ATRNL1: variants seen among roughly 807,000 people sequenced by gnomAD.
ATRNL1 encodes attractin like 1, also known as attractin-like protein 1.
Under a neutral mutation model 182.7 loss-of-function variants are expected in ATRNL1, and 95 were observed. That is an observed-to-expected ratio of 0.52 (90% confidence interval 0.44 to 0.62). The LOEUF (loss-of-function observed/expected upper bound fraction) is 0.62. ATRNL1 is among the 20% of genes least tolerant of loss of function. The pLI, the probability that ATRNL1 is intolerant of heterozygous loss-of-function variation, is 0.00. For synonymous variants in ATRNL1, 576 were observed against 568.3 expected, an observed-to-expected ratio of 1.01 and a Z score of -0.19; for missense variants, 1,471 against 1,679.5, an observed-to-expected ratio of 0.88 and a Z score of 2.17.
chr10:115,584,585 C>A (rs1437156930), intron 26 of ATRNL1, among the ~76,000 whole-genome samples: 3 of 142,526 alleles, frequency 2.1e-5, no homozygotes, highest in Non-Finnish European at 4.6e-5. Flanking sequence ...TCTCTGGGAT[C>A]GGTGGTGATA....
At chr10:115,255,453 T>G (rs1470077054) in intron 10 of ATRNL1, among the ~76,000 whole-genome samples, 1 of 152,186 alleles carries the variant, frequency 6.6e-6, no homozygotes, top group Non-Finnish European at 1.5e-5. Flanking sequence ...GTTAATGGTG[T>G]ATAGGAATGT....
intron 25 of ATRNL1, among the ~76,000 whole-genome samples, chr10:115,547,529 G>T (rs1852736704): frequency 6.6e-6 from 1 of 152,006 alleles, no homozygotes. Flanking sequence ...GGTCGTAGTT[G>T]AAATCAGGAA....
chr10:115,230,264 G>C (rs1849868696), intron 9 of ATRNL1, among the ~76,000 whole-genome samples: 1 of 152,174 alleles, frequency 6.6e-6, no homozygotes, highest in Non-Finnish European at 1.5e-5. Context: ...GCTATGAAGA[G>C]AAAAGAAAGC....
At chr10:115,465,899 A>G (rs370206173) in intron 22 of ATRNL1, among the ~76,000 whole-genome samples, 3 of 151,536 alleles carry the variant, frequency 2.0e-5, no homozygotes, top group African/African-American at 7.2e-5. Flanking sequence ...AACTGTGACA[A>G]TATCATTTGA....
intron 19 of ATRNL1, among the ~76,000 whole-genome samples, chr10:115,352,102 A>T (rs781968800): frequency 6.6e-6 from 1 of 152,072 alleles, no homozygotes; most frequent in African/African-American, 2.4e-5. Context: ...TTATTGGGAT[A>T]TAGTTGCTTA....
intron 24 of ATRNL1, among the ~76,000 whole-genome samples, chr10:115,513,371 G>A (rs1294168860): frequency 6.6e-6 from 1 of 151,928 alleles, no homozygotes; most frequent in Non-Finnish European, 1.5e-5. Context: ...GTAGAAGACA[G>A]GATATTTTTC....
At chr10:115,820,665 A>G (rs1158935313) in intron 27 of ATRNL1, among the ~76,000 whole-genome samples, 1 of 152,064 alleles carries the variant, frequency 6.6e-6, no homozygotes, top group Non-Finnish European at 1.5e-5. Flanking sequence ...CATAGTCTCT[A>G]GAGCACCCCT....
intron 1 of ATRNL1, among the ~76,000 whole-genome samples, chr10:115,113,400 T>C (rs1211049419): frequency 6.6e-6 from 1 of 152,152 alleles, no homozygotes; most frequent in African/African-American, 2.4e-5. Flanking sequence ...TTGGCTCCTT[T>C]TGAGTTTTGT....
intron 25 of ATRNL1, among the ~76,000 whole-genome samples, chr10:115,539,179 A>T (rs1187849451): frequency 6.6e-6 from 1 of 152,176 alleles, no homozygotes; most frequent in East Asian, 1.9e-4. Context: ...GATCCATTTC[A>T]GTTATTTTTT....
Position 115,856,135 on chromosome 10 carries a change from T to C in ATRNL1, c.4018+8144T>C, listed in dbSNP as rs17093692. On this transcript the variant is annotated intron_variant, in intron 28 of 28. Coordinates refer to ENST00000355044, the MANE Select transcript of ATRNL1 (RefSeq NM_207303.4). ...AATTGTTGGTGTAGTCATTAAAACA[T>C]ACTGTTTGGAAGACCAGGCACGGTA... is the stretch of plus-strand genomic sequence containing the variant. Among the ~76,000 whole-genome samples, 1,367 of 152,122 alleles carry C rather than the reference T, an allele frequency of 9.0e-3. 19 individuals are homozygous for C. Among genetic ancestry groups the C allele is most frequent in the African/African-American group, 0.031 (1,290 of 41,494 alleles).
In ATRNL1 at chr10:115,286,392, C is replaced by G; in HGVS notation, c.2410C>G (p.Gln804Glu). ...FVLDEIQKYT[Q>E]QKVSPWVGLR... ...TCTGGATGAAATACAGAAGTATACA[C>G]AACAGGTAACATTTCTACTTGTTTA... The change falls in exon 15 of 29, where the codon CAA (glutamine) becomes GAA (glutamate). Residue 804 changes from glutamine to glutamate, a missense_variant. Transcript: ENST00000355044. 1 of 1,522,160 alleles carries G rather than the reference C, an allele frequency of 6.6e-7. No individual in the cohort carries two copies. The highest frequency in any genetic ancestry group is 8.9e-7 in the Non-Finnish European group (1 of 1,125,266). 94.3% of individuals were successfully genotyped at this position (1,522,160 alleles called of 1,614,324 possible).
intron 18 of ATRNL1, among the ~76,000 whole-genome samples, chr10:115,329,582 A>C (rs1855102027): frequency 6.6e-6 from 1 of 152,046 alleles, no homozygotes; most frequent in African/African-American, 2.4e-5. Context: ...TTCCATATAA[A>C]TTCTCGATTG....
intron 5 of ATRNL1, among the ~76,000 whole-genome samples, chr10:115,143,279 T>A (rs1845825303): frequency 6.6e-6 from 1 of 152,222 alleles, no homozygotes; most frequent in South Asian, 2.1e-4. Flanking sequence ...TTGTTGCCTC[T>A]GACTTTATAA....
intron 27 of ATRNL1, among the ~76,000 whole-genome samples, chr10:115,742,026 C>G (rs1051882709): frequency 2.0e-5 from 3 of 152,076 alleles, no homozygotes; most frequent in Non-Finnish European, 4.4e-5. Flanking sequence ...AAGATAAGCA[C>G]TAGGAGAAAA....
At chr10:115,704,970 C>T (rs1946851906) in intron 26 of ATRNL1, among the ~76,000 whole-genome samples, 1 of 151,584 alleles carries the variant, frequency 6.6e-6, no homozygotes, top group Non-Finnish European at 1.5e-5. Context: ...GAAGCCTTCC[C>T]GGCCCCACTC....
chr10:115,777,803 A>G (rs1555078335), intron 27 of ATRNL1, among the ~76,000 whole-genome samples: 1 of 152,186 alleles, frequency 6.6e-6, no homozygotes, highest in African/African-American at 2.4e-5. Flanking sequence ...AAAAGGAACA[A>G]TGCGTGAGTT....
chr10:115,868,396 G>A (rs1009227771), intron 28 of ATRNL1, among the ~76,000 whole-genome samples: 53 of 152,060 alleles, frequency 3.5e-4, no homozygotes, highest in Non-Finnish European at 6.5e-4. Context: ...GGACAATTGG[G>A]TGCACTCTCA....
intron 28 of ATRNL1, among the ~76,000 whole-genome samples, chr10:115,888,138 C>T (rs1951995686): frequency 6.6e-6 from 1 of 152,102 alleles, no homozygotes; most frequent in African/African-American, 2.4e-5. Context: ...GGTAGCAGTC[C>T]TCTCTCACTT....
At chr10:115,531,221 T>A (rs1464955203) in intron 25 of ATRNL1, among the ~76,000 whole-genome samples, 1 of 152,050 alleles carries the variant, frequency 6.6e-6, no homozygotes, top group African/African-American at 2.4e-5. Flanking sequence ...CCACAATGGT[T>A]GAACTAGTTT....
Sources: allele counts gnomAD v4.1 joint callset (sites outside exome capture counted in the v4.1 genomes callset), GRCh38; gene constraint gnomAD v4.1.1; transcripts MANE v1.5; gene names NCBI Gene and HGNC (gene_info 2026-07-23, HGNC 2026-07-21).